NRXN3: variants seen among roughly 807,000 people sequenced by gnomAD.
The protein encoded by NRXN3 is neurexin III.
NRXN3 carries 32 observed loss-of-function variants against 137.6 expected under a neutral mutation model. The observed-to-expected ratio is 0.23, with a 90% CI of 0.18 to 0.31. The LOEUF (loss-of-function observed/expected upper bound fraction) is 0.31, where lower values mean the gene tolerates loss of function less well. Ranked by LOEUF, NRXN3 falls within the 10% of genes least tolerant of loss-of-function variation. The pLI is 1.00. For synonymous variants in NRXN3, 798 were observed against 784.5 expected (o/e 1.02, Z -0.29); for missense variants, 1,574 against 2,062.5 (o/e 0.76, Z 4.59).
intron 16 of NRXN3, among the ~76,000 whole-genome samples, chr14:79,624,891 C>T (rs1449888988): frequency 6.6e-6 from 1 of 150,488 alleles, no homozygotes; most frequent in East Asian, 2.0e-4. Flanking sequence ...GCAGCCTCAA[C>T]TTCCCAGGCT....
chr14:78,834,867 C>G (rs1225462740), intron 10 of NRXN3, among the ~76,000 whole-genome samples: 1 of 152,092 alleles, frequency 6.6e-6, no homozygotes, highest in African/African-American at 2.4e-5. Context: ...GACATACAGC[C>G]TACAGTGGGA....
intron 10 of NRXN3, among the ~76,000 whole-genome samples, chr14:78,934,462 C>G (rs1246530610): frequency 6.6e-6 from 1 of 152,116 alleles, no homozygotes; most frequent in Non-Finnish European, 1.5e-5. Flanking sequence ...CAGATCTCCT[C>G]TATGGGCCCA....
intron 17 of NRXN3, among the ~76,000 whole-genome samples, chr14:79,669,882 TA>T (rs1167197652): frequency 6.6e-6 from 1 of 151,968 alleles, no homozygotes; most frequent in Non-Finnish European, 1.5e-5. Context: ...TTGTTGTTTT[TA>T]AAAAAAGCTC....
intron 15 of NRXN3, among the ~76,000 whole-genome samples, chr14:79,176,257 A>AT (rs1429511817): frequency 6.6e-6 from 1 of 151,484 alleles, no homozygotes; most frequent in African/African-American, 2.4e-5. Flanking sequence ...ATCTGATAAT[A>AT]TTTTTTTCCT....
At chr14:79,786,629 C>T (rs1473862976) in intron 19 of NRXN3, among the ~76,000 whole-genome samples, 1 of 152,216 alleles carries the variant, frequency 6.6e-6, no homozygotes, top group South Asian at 2.1e-4. Flanking sequence ...GTGTGCTGTG[C>T]GACTAGCACT....
chr14:78,954,778 T>G (rs1482481923), intron 10 of NRXN3, among the ~76,000 whole-genome samples: 1 of 151,294 alleles, frequency 6.6e-6, no homozygotes, highest in Admixed American at 6.6e-5. Context: ...TTTTTTTTTT[T>G]TTTTTTTTTT....
chr14:79,012,113 A>T (rs2099572255), intron 15 of NRXN3, among the ~76,000 whole-genome samples: 1 of 152,190 alleles, frequency 6.6e-6, no homozygotes, highest in African/African-American at 2.4e-5. Context: ...TTTTCCATGA[A>T]ATAATATTTA....
At chr14:79,084,665 C>G (rs2047743601) in intron 15 of NRXN3, among the ~76,000 whole-genome samples, 1 of 152,224 alleles carries the variant, frequency 6.6e-6, no homozygotes, top group South Asian at 2.1e-4. Context: ...GTAAATGCCC[C>G]TATTGTACCT....
intron 4 of NRXN3, among the ~76,000 whole-genome samples, chr14:78,473,232 C>G (rs2095313380): frequency 6.6e-6 from 1 of 151,880 alleles, no homozygotes; most frequent in East Asian, 1.9e-4. Flanking sequence ...GAAACCTCGT[C>G]TCTACTAAAA....
chr14:79,849,756 T>G (rs139031237), intron 20 of NRXN3, among the ~76,000 whole-genome samples: 18 of 152,298 alleles, frequency 1.2e-4, no homozygotes, highest in Non-Finnish European at 2.4e-4. Flanking sequence ...TCTGAGTATA[T>G]ACCCAAGGGA....
chr14:79,090,646 A>G (rs1415859189), intron 15 of NRXN3, among the ~76,000 whole-genome samples: 2 of 152,042 alleles, frequency 1.3e-5, no homozygotes, highest in Admixed American at 6.6e-5. Context: ...TGCACTATTC[A>G]AAATCTTCAT....
chr14:78,832,947 A>G (rs57700581), intron 10 of NRXN3, among the ~76,000 whole-genome samples: 2 of 152,224 alleles, frequency 1.3e-5, no homozygotes, highest in Admixed American at 6.5e-5. Context: ...TCTGGTATAC[A>G]TGGAATTTAC....
chr14:78,189,936 C>A (rs1359027314), intron 1 of NRXN3, among the ~76,000 whole-genome samples: 2 of 152,202 alleles, frequency 1.3e-5, no homozygotes, highest in African/African-American at 4.8e-5. Flanking sequence ...AGCACTCTGG[C>A]CGTCCTTACC....
intron 4 of NRXN3, among the ~76,000 whole-genome samples, chr14:78,580,055 G>T (rs1445485401): frequency 6.6e-6 from 1 of 152,098 alleles, no homozygotes; most frequent in Admixed American, 6.5e-5. Flanking sequence ...GTGGTAAGTG[G>T]TCTTCAAATG....
chr14:79,215,726 C>T (rs772999366), intron 15 of NRXN3, among the ~76,000 whole-genome samples: 3 of 152,072 alleles, frequency 2.0e-5, no homozygotes, highest in Admixed American at 1.3e-4. Flanking sequence ...AACTACAATT[C>T]GAGATGAGAT....
intron 1 of NRXN3, among the ~76,000 whole-genome samples, chr14:78,179,195 T>C (rs2059554274): frequency 6.6e-6 from 1 of 151,458 alleles, no homozygotes; most frequent in Admixed American, 6.6e-5. Context: ...GGATAAAGGG[T>C]GGGAAGGGAT....
chr14:78,841,447 T>C (rs1448234524), intron 10 of NRXN3, among the ~76,000 whole-genome samples: 2 of 152,078 alleles, frequency 1.3e-5, no homozygotes, highest in African/African-American at 4.8e-5. Flanking sequence ...CCATCTTGGA[T>C]GATGAGGGCT....
chr14:79,835,022 C>T (rs1278917156), intron 20 of NRXN3, among the ~76,000 whole-genome samples: 3 of 152,026 alleles, frequency 2.0e-5, no homozygotes, highest in Admixed American at 6.6e-5. Flanking sequence ...TTGCAGTCTC[C>T]AAAAAGAAGT....
At chr14:79,782,202 T>G (rs1389481876) in intron 19 of NRXN3, among the ~76,000 whole-genome samples, 1 of 152,198 alleles carries the variant, frequency 6.6e-6, no homozygotes, top group African/African-American at 2.4e-5. Flanking sequence ...ACAGGTTGAC[T>G]AATATTTAGA....
Sources: gnomAD v4.1 joint callset for allele counts (sites outside exome capture counted in the v4.1 genomes callset) on GRCh38, gnomAD v4.1.1 for gene constraint, MANE v1.5 for transcripts, NCBI Gene and HGNC (gene_info 2026-07-23, HGNC 2026-07-21) for gene names.